The following KIAA1755 variants were observed in gnomAD, a reference collection of about 807,000 sequenced individuals.
KIAA1755 encodes the protein uncharacterized protein KIAA1755.
Under a neutral mutation model 91.7 loss-of-function variants are expected in KIAA1755, and 68 were observed. The ratio of observed to expected loss-of-function variants is 0.74; its 90% CI spans 0.61 to 0.91. The LOEUF (loss-of-function observed/expected upper bound fraction) is 0.91. KIAA1755 is among the 40% of genes least tolerant of loss of function. The probability of loss-of-function intolerance (pLI) is 0.00; values close to 1 mark genes in which losing one functional copy is unlikely to be tolerated. For synonymous variants in KIAA1755, 610 were observed against 604.6 expected (o/e 1.01, Z -0.13); for missense variants, 1,535 against 1,494.4 (o/e 1.03, Z -0.45).
At chr20:38,259,820 C>CCACACACA (rs57325877) in intron 1 of KIAA1755, among the ~76,000 whole-genome samples, 1,862 of 138,756 alleles carry the variant, frequency 0.013, 26 homozygotes, top group African/African-American at 0.035. Flanking sequence ...ACCACCACCA[C>CCACACACA]CACACACACA....
chr20:38,229,123 A>G (rs778632521), intron 5 of KIAA1755, among the ~76,000 whole-genome samples: 1 of 152,190 alleles, frequency 6.6e-6, no homozygotes, highest in African/African-American at 2.4e-5. Flanking sequence ...ATAGCCCCCA[A>G]CTGCCCTCAA....
At position 38,222,549 on chromosome 20, in the gene KIAA1755, G is replaced by A. The variant is rs2075679255; in HGVS notation, c.2317C>T (p.Leu773=). The change falls in exon 10 of 14, where the codon CTG becomes TTG. Residue 773 remains leucine (L), a synonymous_variant. Coordinates refer to ENST00000279024, the MANE Select transcript of KIAA1755 (RefSeq NM_001029864.2). ...AGGCCCAGTAGGCCGGGGTCCCTCA[G>A]CACAGCCTCCATCAGCTCCTTGGAC... is the stretch of plus-strand genomic sequence containing the variant. ...SKSKELMEAV[L]RDPGLLGLQR... The A allele has an allele frequency of 1.2e-6, 2 of 1,613,330 alleles. No individual in the cohort carries two copies. Among genetic ancestry groups the A allele is most frequent in the Non-Finnish European group, 1.7e-6 (2 of 1,179,982 alleles).
At chr20:38,220,055 TCTAGTAG>T (rs2075629466) in intron 10 of KIAA1755, among the ~76,000 whole-genome samples, 1 of 152,226 alleles carries the variant, frequency 6.6e-6, no homozygotes, top group Non-Finnish European at 1.5e-5. Flanking sequence ...TCTGCTGCCT[TCTAGTAG>T]GAGGCTCTGT....
chr20:38,227,811 C>T (rs1409233369), intron 6 of KIAA1755, among the ~76,000 whole-genome samples: 2 of 152,246 alleles, frequency 1.3e-5, no homozygotes, highest in Admixed American at 6.5e-5. Flanking sequence ...GGGAGCCATC[C>T]GGCCACCAAG....
intron 9 of KIAA1755, chr20:38,223,071 C>A (rs2075690432): frequency 4.3e-6 from 1 of 232,688 alleles, no homozygotes; most frequent in Non-Finnish European, 8.6e-6. Flanking sequence ...CCTTGCTACT[C>A]CTGAACACCC....
In KIAA1755 at chr20:38,240,462, C is replaced by T. The variant is rs529878454; in HGVS notation, c.1549+120G>A. On this transcript the variant is annotated intron_variant, in intron 3 of 13. Transcript: ENST00000279024. ...GCCCCTTAACATGCCACACTGTATA[C>T]TAAACCCCTGAAGCTGAGCCAGCCC... The T allele has an allele frequency of 3.9e-6, 4 of 1,035,114 alleles. No individual in the cohort carries two copies. The Admixed American group carries it at 1.1e-4, about 28-fold the overall frequency. The allele number at this position is 1,035,114 out of a possible 1,614,324, so 64.1% of individuals were successfully genotyped here.
rs2075457776 is a variant in KIAA1755 at position 38,212,049 on chromosome 20, C to T, written c.*993G>A. 6.6e-6 allele frequency: 1 copy of T among 152,224 alleles called. No homozygotes were observed. Among genetic ancestry groups the T allele is most frequent in the Non-Finnish European group, 1.5e-5 (1 of 68,066 alleles). 9.4% of individuals were successfully genotyped at this position (152,224 alleles called of 1,614,324 possible). On this transcript the variant is annotated 3_prime_UTR_variant, in exon 14 of 14. Transcript: ENST00000279024. ...TTTGTATGAGGGTGGGGCACAGTGGCTCATACGTATAATCCCAGCACTTTG... is the reference window on the plus strand; with the variant it reads ...TTTGTATGAGGGTGGGGCACAGTGGTTCATACGTATAATCCCAGCACTTTG...
intron 4 of KIAA1755, among the ~76,000 whole-genome samples, chr20:38,234,712 A>G (rs2075928126): frequency 6.6e-6 from 1 of 152,224 alleles, no homozygotes; most frequent in Non-Finnish European, 1.5e-5. Context: ...GGGACACAGT[A>G]GTCATACGAT....
chr20:38,228,880 C>G (rs2123140564), intron 5 of KIAA1755, among the ~76,000 whole-genome samples: 1 of 152,310 alleles, frequency 6.6e-6, no homozygotes, highest in East Asian at 1.9e-4. Flanking sequence ...CCAAAACACC[C>G]TCCCTGGTTC....
At position 38,240,907 on chromosome 20, in the gene KIAA1755, C is replaced by T; in HGVS notation, c.1224G>A (p.Glu408=). ...GTCCAGGCCTGAGCTGCACCATATT[C>T]TCTGGGTTTCCTAGAGGTCCCTGCA... ...SKMQGPLGNP[E]NMVQLRPGPR... The change falls in exon 3 of 14, where the codon GAG becomes GAA. Residue 408 remains glutamate (E), a synonymous_variant. Coordinates refer to ENST00000279024, the MANE Select transcript of KIAA1755 (RefSeq NM_001029864.2). 6.2e-7 allele frequency: 1 copy of T among 1,614,084 alleles called. No individual in the cohort carries two copies. The highest frequency in any genetic ancestry group is 8.5e-7 in the Non-Finnish European group (1 of 1,179,974).
At position 38,241,564 on chromosome 20, in the gene KIAA1755, G is replaced by A. The variant is rs1463707806; in HGVS notation, c.567C>T (p.Asp189=). 3.7e-6 allele frequency: 6 copies of A among 1,614,226 alleles called. No individual in the cohort carries two copies. In the South Asian group the frequency reaches 6.6e-5, roughly 18 times the overall value. ...AGAGGGCATTCACTACTTGGGGTCT[G>A]TCATCCACAAACTCTGGGCTGGTTA... ...TKITSPEFVD[D]RPQVVNALCQ... is the part of the protein sequence containing the mutation. The change falls in exon 3 of 14, where the codon GAC becomes GAT. Residue 189 remains aspartate, a synonymous_variant. Coordinates refer to ENST00000279024, the MANE Select transcript of KIAA1755 (RefSeq NM_001029864.2).
At chr20:38,229,672 G>T (rs2075825954) in intron 5 of KIAA1755, among the ~76,000 whole-genome samples, 1 of 152,178 alleles carries the variant, frequency 6.6e-6, no homozygotes. Context: ...AGCACCTGGT[G>T]TGCACTGCAC....
chr20:38,238,448 C>T (rs779127746), intron 4 of KIAA1755, among the ~76,000 whole-genome samples: 10 of 152,176 alleles, frequency 6.6e-5, no homozygotes, highest in Admixed American at 1.3e-4. Context: ...ATGCTGTTCC[C>T]TTTGTCTGGA....
At chr20:38,258,061 G>A (rs1426966454) in intron 1 of KIAA1755, among the ~76,000 whole-genome samples, 1 of 151,976 alleles carries the variant, frequency 6.6e-6, no homozygotes, top group Non-Finnish European at 1.5e-5. Context: ...CACCATGCCC[G>A]GCTAGTTTTT....
intron 11 of KIAA1755, 111 bp downstream of exon 11, chr20:38,219,519 G>T: frequency 7.0e-7 from 1 of 1,427,274 alleles, no homozygotes; most frequent in Non-Finnish European, 9.5e-7. Context: ...CCAGCTTGGT[G>T]TCCTTTCTCC....
intron 7 of KIAA1755, among the ~76,000 whole-genome samples, chr20:38,226,355 A>G (rs888907524): frequency 6.6e-6 from 1 of 151,998 alleles, no homozygotes; most frequent in East Asian, 1.9e-4. Flanking sequence ...GTTTTTTTGG[A>G]CCCACCTGAT....
Position 38,240,930 on chromosome 20 carries a change from G to A in KIAA1755, c.1201C>T (p.Gln401Ter). 7.4e-6 allele frequency: 12 copies of A among 1,614,076 alleles called. No individual in the cohort carries two copies. Among genetic ancestry groups the A allele is most frequent in the Non-Finnish European group, 1.0e-5 (12 of 1,179,974 alleles). The change falls in exon 3 of 14, where the codon CAG (glutamine) becomes TAG (stop). Residue 401 changes from glutamine to a stop codon, truncating the protein, a stop_gained. Coordinates refer to ENST00000279024, the MANE Select transcript of KIAA1755 (RefSeq NM_001029864.2). LOFTEE classifies it high-confidence loss of function. ...TTCTCTGGGTTTCCTAGAGGTCCCT[G>A]CATCTTGGAGGCAGCTGGCTCTTGT... Reference protein sequence around the residue: ...VSQEPAASKMQGPLGNPENMV... With the variant: ...VSQEPAASKM
chr20:38,222,388 C>T, intron 10 of KIAA1755, 61 bp downstream of exon 10: 1 of 1,562,300 alleles, frequency 6.4e-7, no homozygotes, highest in East Asian at 2.2e-5. Context: ...GTGGTCCCAG[C>T]TCCAAGCTCC....
intron 1 of KIAA1755, among the ~76,000 whole-genome samples, chr20:38,253,553 T>A (rs1197052716): frequency 6.6e-6 from 1 of 152,182 alleles, no homozygotes; most frequent in Non-Finnish European, 1.5e-5. Context: ...TATTGGAATT[T>A]TTTTTAAAGA....
Sources: gnomAD v4.1 joint callset for allele counts (sites outside exome capture counted in the v4.1 genomes callset) on GRCh38, gnomAD v4.1.1 for gene constraint, MANE v1.5 for transcripts, NCBI Gene and HGNC (gene_info 2026-07-23, HGNC 2026-07-21) for gene names.